CLCN2: variants seen among roughly 807,000 people sequenced by gnomAD.
The protein encoded by CLCN2 is chloride voltage-gated channel 2.
A neutral mutation model predicts 108.3 loss-of-function variants in CLCN2; 72 were observed. The ratio of observed to expected loss-of-function variants is 0.66; its 90% CI spans 0.55 to 0.81. The LOEUF is 0.81. Among genes scored for constraint, CLCN2 ranks in the 30% least tolerant of loss-of-function variants. The pLI, the probability that CLCN2 is intolerant of heterozygous loss-of-function variation, is 0.00. For missense variants in CLCN2, 1,048 were observed against 1,205.2 expected (o/e 0.87, Z 1.93); for synonymous variants, 471 against 467.1 (o/e 1.01, Z -0.11).
In CLCN2 at chr3:184,359,903, G is replaced by A. The variant is rs529098798; in HGVS notation, c.64-772C>T. 1.5e-4 allele frequency among the ~76,000 whole-genome samples: 22 copies of A among 150,652 alleles called. No individual in the cohort carries two copies. The East Asian group carries it at 2.8e-3, about 19-fold the overall frequency. ...CATGGCTAGACCTGCCAAGCTGGGCGTGTGTTGGGGGGCGGGGAGGAGTAG... is the reference window on the plus strand; with the variant it reads ...CATGGCTAGACCTGCCAAGCTGGGCATGTGTTGGGGGGCGGGGAGGAGTAG... On this transcript the variant is annotated intron_variant, in intron 1 of 23. Coordinates refer to ENST00000265593, the MANE Select transcript of CLCN2 (RefSeq NM_004366.6).
chr3:184,358,095 C>T lies in CLCN2; in HGVS notation c.482G>A (p.Gly161Asp). 6.2e-7 allele frequency: 1 copy of T among 1,614,120 alleles called. No homozygotes were observed. The highest frequency in any genetic ancestry group is 8.5e-7 in the Non-Finnish European group (1 of 1,180,042). Residue 161 changes from glycine to aspartate, a missense_variant and splice_region_variant, in exon 5 of 24, where the codon GGC becomes GAC. By Grantham distance (94) the Gly-to-Asp change is moderately conservative. Coordinates refer to ENST00000265593, the MANE Select transcript of CLCN2 (RefSeq NM_004366.6). ...GGTCTTCATCTCAGGGATGCCAGAGCCTGGAGAGGGAACAGTCTCAGGAGA... is the reference window on the plus strand; with the variant it reads ...GGTCTTCATCTCAGGGATGCCAGAGTCTGGAGAGGGAACAGTCTCAGGAGA... Reference protein sequence around the residue: ...FTQILAPQAVGSGIPEMKTIL... With the variant: ...FTQILAPQAVDSGIPEMKTIL...
At position 184,361,589 on chromosome 3, in the gene CLCN2, G is replaced by A. The variant is rs2108583434; in HGVS notation, c.-110C>T. The A allele has an allele frequency of 8.4e-7, 1 of 1,196,386 alleles. No homozygotes were observed. The highest frequency in any genetic ancestry group is 1.2e-6 in the Non-Finnish European group (1 of 866,902). 74.1% of individuals were successfully genotyped at this position (1,196,386 alleles called of 1,614,324 possible). On this transcript the variant is annotated 5_prime_UTR_variant, in exon 1 of 24. Coordinates refer to ENST00000265593, the MANE Select transcript of CLCN2 (RefSeq NM_004366.6). This position sits in a 1 kb window ranked among gnomAD's most constrained non-coding sequence, Gnocchi z 6.6. ...GCCGTCCCGTCCCCGCAGCCCGGGAGGCCGAGAGCAGAGTGCGGCGGGCCC... is the reference window on the plus strand; with the variant it reads ...GCCGTCCCGTCCCCGCAGCCCGGGAAGCCGAGAGCAGAGTGCGGCGGGCCC...
rs994005693 is a variant in CLCN2 at position 184,354,987 on chromosome 3, G to A, written c.1327-14C>T. On this transcript the variant is annotated splice_polypyrimidine_tract_variant and intron_variant, in intron 12 of 23. Coordinates refer to ENST00000265593, the MANE Select transcript of CLCN2 (RefSeq NM_004366.6). ...AGACATCCAGAACTGCAGGCAGGGG[G>A]TGGTTCAAAGGCGAAGAGGCTCCAC... 47 of 1,613,440 alleles carry A rather than the reference G, an allele frequency of 2.9e-5. No individual in the cohort carries two copies. The highest frequency in any genetic ancestry group is 3.9e-5 in the Non-Finnish European group (46 of 1,179,690).
rs1373629642 is a variant in CLCN2, at chr3:184,346,528, G to A, written c.*78C>T. The A allele has an allele frequency of 1.2e-5, 18 of 1,557,452 alleles. No individual in the cohort carries two copies. Among genetic ancestry groups the A allele is most frequent in the East Asian group, 2.2e-5 (1 of 44,498 alleles). On this transcript the variant is annotated 3_prime_UTR_variant, in exon 24 of 24. Transcript: ENST00000265593. This position sits in a 1 kb window ranked among gnomAD's most constrained non-coding sequence, Gnocchi z 6.0. ...CAGCTGTAGCTGCCTCCTGCCTTCC[G>A]AAGGCAGAAGGAATGAAAGATGCAC...
intron 22 of CLCN2, chr3:184,349,334 G>C (rs1198792829): frequency 2.0e-5 from 3 of 152,298 alleles, no homozygotes; most frequent in East Asian, 3.9e-4. Context: ...GCTGAGGCAG[G>C]AGAATCACTT....
chr3:184,353,863 C>G, intron 15 of CLCN2, 68 bp from the exon 16 acceptor site: 1 of 1,572,918 alleles, frequency 6.4e-7, no homozygotes. Context: ...ATTGCCATCC[C>G]AGGGCCACAA....
At chr3:184,360,098 G>A (rs1280106724) in intron 1 of CLCN2, among the ~76,000 whole-genome samples, 1 of 151,966 alleles carries the variant, frequency 6.6e-6, no homozygotes, top group Admixed American at 6.6e-5. Flanking sequence ...AGAAAAGAGA[G>A]GGAAGGCGAA....
chr3:184,347,057 G>C (rs1415185055), intron 22 of CLCN2, 36 bp from the exon 23 acceptor site: 5 of 1,563,294 alleles, frequency 3.2e-6, no homozygotes, highest in Middle Eastern at 3.4e-4. Flanking sequence ...GGACTTGATG[G>C]ACGAGGGGCA....
At chr3:184,356,321 TGA>T (rs1365779059) in intron 10 of CLCN2, 1 of 180,056 alleles carries the variant, frequency 5.6e-6, no homozygotes. Flanking sequence ...AGGGTCACAC[TGA>T]GAGAGCTGTG....
chr3:184,354,986 G>T lies in CLCN2; in HGVS notation c.1327-13C>A, dbSNP rs560318718. 7 of 1,613,706 alleles carry T rather than the reference G, an allele frequency of 4.3e-6. No individual in the cohort carries two copies. Among genetic ancestry groups the T allele is most frequent in the Non-Finnish European group, 5.1e-6 (6 of 1,179,812 alleles). Reference sequence around the variant, plus strand: ...CAGACATCCAGAACTGCAGGCAGGGGGTGGTTCAAAGGCGAAGAGGCTCCA... The same window carrying T: ...CAGACATCCAGAACTGCAGGCAGGGTGTGGTTCAAAGGCGAAGAGGCTCCA... On this transcript the variant is annotated splice_polypyrimidine_tract_variant and intron_variant, in intron 12 of 23. Coordinates refer to ENST00000265593, the MANE Select transcript of CLCN2 (RefSeq NM_004366.6).
intron 18 of CLCN2, 59 bp from the exon 19 acceptor site, chr3:184,352,869 G>T (rs1261862436): frequency 3.8e-6 from 6 of 1,597,310 alleles, no homozygotes; most frequent in South Asian, 1.1e-5. Context: ...AGAGGACCAG[G>T]AAAGGTAAGG....
chr3:184,358,614 C>CG (rs1711581606), intron 3 of CLCN2, 68 bp downstream of exon 3: 1 of 1,544,710 alleles, frequency 6.5e-7, no homozygotes, highest in Admixed American at 2.0e-5. Context: ...TCCTCCATGT[C>CG]TAGACGAGTG....
intron 22 of CLCN2, among the ~76,000 whole-genome samples, chr3:184,351,230 C>T (rs761120225): frequency 6.6e-6 from 1 of 151,996 alleles, no homozygotes; most frequent in African/African-American, 2.4e-5. Context: ...CTCCCCCAAA[C>T]CCCCCAACGC....
Position 184,346,365 on chromosome 3 carries a change from C to A in CLCN2, c.*241G>T, listed in dbSNP as rs1577296123. ...AGGGGGAGCAGGGGTCAAGTGACCC[C>A]AACCCATCCTGCCAGGGCAGGGCCT... is the stretch of plus-strand genomic sequence containing the variant. On this transcript the variant is annotated 3_prime_UTR_variant, in exon 24 of 24. Coordinates refer to ENST00000265593, the MANE Select transcript of CLCN2 (RefSeq NM_004366.6). The surrounding 1 kb of genome is among the most constrained non-coding windows in gnomAD (Gnocchi z 6.0). 5 of 584,092 alleles carry A rather than the reference C, an allele frequency of 8.6e-6. No homozygotes were observed. In the East Asian group the frequency reaches 1.5e-4, roughly 17 times the overall value. The allele number at this position is 584,092 out of a possible 1,614,324, so 36.2% of individuals were successfully genotyped here.
rs1356910960 is a variant in CLCN2 at position 184,346,651 on chromosome 3, G to A, written c.2652C>T (p.Leu884=). Residue 884 remains leucine, a synonymous_variant, in exon 24 of 24, where the codon CTC becomes CTT. Coordinates refer to ENST00000265593, the MANE Select transcript of CLCN2 (RefSeq NM_004366.6). This position sits in a 1 kb window ranked among gnomAD's most constrained non-coding sequence, Gnocchi z 6.0. ...ALWGPHSRHG[L]PREGSPSDSD... is the part of the protein sequence containing the mutation. ...TGTCGGAAGGGCTGCCCTCCCGGGG[G>A]AGGCCATGACGGGAGTGGGGCCCCC... 2 of 1,614,070 alleles carry A rather than the reference G, an allele frequency of 1.2e-6. No individual in the cohort carries two copies. The highest frequency in any genetic ancestry group is 2.7e-5 in the African/African-American group (2 of 74,942).
chr3:184,359,193 G>T (rs1055955389), intron 1 of CLCN2, 62 bp from the exon 2 acceptor site: 7 of 1,586,434 alleles, frequency 4.4e-6, no homozygotes, highest in Non-Finnish European at 5.2e-6. Context: ...CGCAGGGAGA[G>T]TTCTTAGAGC....
At chr3:184,347,424 G>A (rs1218836613) in intron 22 of CLCN2, 1 of 344,484 alleles carries the variant, frequency 2.9e-6, no homozygotes, top group Non-Finnish European at 5.7e-6. Flanking sequence ...AGGAGAAGCA[G>A]CATGGGGCTC....
In CLCN2 at chr3:184,355,096, A is replaced by G; in HGVS notation, c.1327-123T>C. The G allele has an allele frequency of 1.0e-6, 1 of 979,010 alleles. No homozygotes were observed. Among genetic ancestry groups the G allele is most frequent in the South Asian group, 1.4e-5 (1 of 71,732 alleles). The allele number at this position is 979,010 out of a possible 1,614,324, so 60.6% of individuals were successfully genotyped here. ...GCGTAACCCTCCCAGCCACCCCGTA[A>G]CCCTCCTAGCTACCCTGGGACCCCC... On this transcript the variant is annotated intron_variant, in intron 12 of 23. Coordinates refer to ENST00000265593, the MANE Select transcript of CLCN2 (RefSeq NM_004366.6). This position sits in a 1 kb window ranked among gnomAD's most constrained non-coding sequence, Gnocchi z 6.3.
At chr3:184,358,140 T>G (rs755345176) in intron 4 of CLCN2, 42 bp downstream of exon 4, 1 of 1,613,902 alleles carries the variant, frequency 6.2e-7, no homozygotes, top group African/African-American at 1.3e-5. Flanking sequence ...TGCACCCATT[T>G]CAGGGGTCCC....
Sources: allele counts gnomAD v4.1 joint callset (sites outside exome capture counted in the v4.1 genomes callset), GRCh38; gene constraint gnomAD v4.1.1; non-coding constraint Gnocchi (gnomAD v3.1); transcripts MANE v1.5; gene names NCBI Gene and HGNC (gene_info 2026-07-23, HGNC 2026-07-21).